FAM240A: variants seen among roughly 807,000 people sequenced by gnomAD.
The protein encoded by FAM240A is family with sequence similarity 240 member A.
In FAM240A, 8 loss-of-function variants were observed where a neutral mutation model predicts 7.3. The ratio of observed to expected loss-of-function variants is 1.09; its 90% CI spans 0.64 to 1.97. The LOEUF is 1.97. FAM240A is among the 30% of genes most tolerant of loss of function. The pLI is 0.00. For missense variants in FAM240A, 90 were observed against 102.2 expected, an observed-to-expected ratio of 0.88 and a Z score of 0.52; for synonymous variants, 32 against 35.9, an observed-to-expected ratio of 0.89 and a Z score of 0.38.
At chr3:46,615,744 C>G (rs758687494) in intron 1 of FAM240A, among the ~76,000 whole-genome samples, 1 of 152,210 alleles carries the variant, frequency 6.6e-6, no homozygotes, top group Non-Finnish European at 1.5e-5. Context: ...TCTACTATAT[C>G]CACTCAGCTG....
In FAM240A at chr3:46,625,413, A is replaced by G. The variant is rs1037532953; in HGVS notation, c.*195A>G. On this transcript the variant is annotated 3_prime_UTR_variant, in exon 3 of 3. Coordinates refer to ENST00000640551, the MANE Select transcript of FAM240A (RefSeq NM_001195442.2). ...TATTGGCCAAGTCAGTCCTCTGTGC[A>G]TGGGCGCCAGGTTATTATCCCAAAT... 5.1e-6 allele frequency: 2 copies of G among 389,326 alleles called. No individual in the cohort carries two copies. The highest frequency in any genetic ancestry group is 4.3e-5 in the Admixed American group (1 of 23,118). The allele number at this position is 389,326 out of a possible 1,614,324, so 24.1% of individuals were successfully genotyped here.
chr3:46,618,700 CGTG>C (rs1276914825), intron 2 of FAM240A, among the ~76,000 whole-genome samples: 2 of 151,656 alleles, frequency 1.3e-5, no homozygotes, highest in Non-Finnish European at 2.9e-5. Flanking sequence ...ATTAGCTAGG[CGTG>C]GTGGTGCATG....
At position 46,614,180 on chromosome 3, in the gene FAM240A, T is replaced by C. The variant is rs955542448; in HGVS notation, c.15+1482T>C. Among the ~76,000 whole-genome samples the C allele has an allele frequency of 2.6e-5, 4 of 152,098 alleles. No homozygotes were observed. The East Asian group carries it at 5.8e-4, about 22-fold the overall frequency. ...ATCAAGTGATCCTCCAGCCTCAGCC[T>C]CCCAAAGTGCTGGGATTACAGGTGT... is the stretch of plus-strand genomic sequence containing the variant. On this transcript the variant is annotated intron_variant, in intron 1 of 2. Coordinates refer to ENST00000640551, the MANE Select transcript of FAM240A (RefSeq NM_001195442.2).
At chr3:46,621,417 C>T (rs993397566) in intron 2 of FAM240A, among the ~76,000 whole-genome samples, 8 of 151,948 alleles carry the variant, frequency 5.3e-5, no homozygotes, top group African/African-American at 1.2e-4. Flanking sequence ...ATCTTTTTTC[C>T]GTTTTCTTAT....
At chr3:46,619,065 C>G (rs1448156404) in intron 2 of FAM240A, among the ~76,000 whole-genome samples, 1 of 152,072 alleles carries the variant, frequency 6.6e-6, no homozygotes, top group Non-Finnish European at 1.5e-5. Context: ...AGGCTCTGCT[C>G]TAATTAATAC....
intron 1 of FAM240A, among the ~76,000 whole-genome samples, chr3:46,613,520 T>TAAATAAATAAAG (rs1408531363): frequency 5.3e-5 from 8 of 151,248 alleles, no homozygotes; most frequent in Non-Finnish European, 5.9e-5. Flanking sequence ...AATAAATAAA[T>TAAATAAATAAAG]AAATAAAAAA....
At chr3:46,618,551 A>G (rs938088714) in intron 2 of FAM240A, among the ~76,000 whole-genome samples, 45 of 152,260 alleles carry the variant, frequency 3.0e-4, no homozygotes, top group African/African-American at 9.9e-4. Flanking sequence ...TTAAAAATAT[A>G]TACATGCGGC....
At chr3:46,621,488 CTG>C (rs1342955192) in intron 2 of FAM240A, among the ~76,000 whole-genome samples, 1 of 152,190 alleles carries the variant, frequency 6.6e-6, no homozygotes, top group African/African-American at 2.4e-5. Flanking sequence ...ACATAGTTGT[CTG>C]AGCACGGTGG....
intron 1 of FAM240A, among the ~76,000 whole-genome samples, chr3:46,612,991 G>A (rs1203553408): frequency 6.6e-6 from 1 of 152,184 alleles, no homozygotes; most frequent in Non-Finnish European, 1.5e-5. Context: ...CACGTTACCT[G>A]TGAAGGAATG....
chr3:46,615,227 C>T (rs1422872038), intron 1 of FAM240A, among the ~76,000 whole-genome samples: 2 of 152,084 alleles, frequency 1.3e-5, no homozygotes, highest in Non-Finnish European at 2.9e-5. Context: ...ATGCTGAGTT[C>T]CAGACCCATG....
intron 2 of FAM240A, among the ~76,000 whole-genome samples, chr3:46,618,894 C>T (rs142180132): frequency 6.1e-5 from 9 of 148,378 alleles, no homozygotes; most frequent in Admixed American, 1.3e-4. Flanking sequence ...CACACACACA[C>T]ACACACACAC....
At chr3:46,612,785 A>C in intron 1 of FAM240A, 87 bp downstream of exon 1, 6 of 1,062,246 alleles carry the variant, frequency 5.6e-6, no homozygotes, top group Non-Finnish European at 8.4e-6. Flanking sequence ...GTGCTGATTC[A>C]CTGGACGCAG....
At chr3:46,614,862 G>C (rs562003660) in intron 1 of FAM240A, among the ~76,000 whole-genome samples, 8 of 152,264 alleles carry the variant, frequency 5.3e-5, no homozygotes, top group Admixed American at 5.2e-4. Context: ...CTTATTCAAA[G>C]TTGTCAATGA....
chr3:46,614,147 C>T (rs1012041287), intron 1 of FAM240A, among the ~76,000 whole-genome samples: 6 of 152,132 alleles, frequency 3.9e-5, no homozygotes, highest in Non-Finnish European at 1.5e-5. Flanking sequence ...TGGTCTCAAA[C>T]TACTGGGATC....
Position 46,617,300 on chromosome 3 carries a change from C to A in FAM240A, c.133C>A (p.Arg45Ser), listed in dbSNP as rs796915423. 14 of 1,533,850 alleles carry A rather than the reference C, an allele frequency of 9.1e-6. No homozygotes were observed. The highest frequency in any genetic ancestry group is 1.2e-5 in the Non-Finnish European group (14 of 1,145,810). Reference protein sequence around the residue: ...KQTYYRESEERRLGRSALRKL... With the variant: ...KQTYYRESEESRLGRSALRKL... ...GACTTACTACCGAGAATCAGAGGAA[C>A]GTCGTCTGGGAAGAAGCGCACTGAG... The change falls in exon 2 of 3, where the codon CGT (arginine) becomes AGT (serine). Residue 45 changes from arginine (R) to serine (S), a missense_variant. Transcript: ENST00000640551.
At chr3:46,622,342 G>A (rs545584210) in intron 2 of FAM240A, among the ~76,000 whole-genome samples, 15 of 151,814 alleles carry the variant, frequency 9.9e-5, no homozygotes, top group African/African-American at 3.1e-4. Context: ...TTCTGACCTC[G>A]TGATCTGCCC....
At chr3:46,612,792 G>A (rs1179380445) in intron 1 of FAM240A, 94 bp downstream of exon 1, 22 of 956,286 alleles carry the variant, frequency 2.3e-5, no homozygotes, top group Non-Finnish European at 3.4e-5. Context: ...TTCACTGGAC[G>A]CAGCAGCACG....
intron 1 of FAM240A, among the ~76,000 whole-genome samples, chr3:46,615,259 T>G (rs912317299): frequency 2.1e-4 from 32 of 152,098 alleles, no homozygotes; most frequent in African/African-American, 7.5e-4. Flanking sequence ...CCTCCAGTGC[T>G]TCCCCCTGGG....
In FAM240A at chr3:46,617,198, T is replaced by C; in HGVS notation, c.31T>C (p.Tyr11His). 7 of 1,530,716 alleles carry C rather than the reference T, an allele frequency of 4.6e-6. No homozygotes were observed. Among genetic ancestry groups the C allele is most frequent in the Non-Finnish European group, 6.1e-6 (7 of 1,145,020 alleles). The allele number at this position is 1,530,716 out of a possible 1,614,324, so 94.8% of individuals were successfully genotyped here. Residue 11 changes from tyrosine (Y) to histidine (H), a missense_variant, in exon 2 of 3, where the codon TAC (tyrosine) becomes CAC (histidine). Physicochemically the swap from Tyr to His is moderately conservative, Grantham distance 83 (BLOSUM62 2). Transcript: ENST00000640551. ...TCCTTTTTAGGGGATGAACAATCAA[T>C]ACACCCGTCGGGAGGTCTTCTGCCG... The part of the protein sequence containing the change: MRLFSGMNNQ[Y>H]TRREVFCRNT...
Sources: gnomAD v4.1 joint callset for allele counts (sites outside exome capture counted in the v4.1 genomes callset) on GRCh38, gnomAD v4.1.1 for gene constraint, MANE v1.5 for transcripts, NCBI Gene and HGNC (gene_info 2026-07-23, HGNC 2026-07-21) for gene names.